GAS6: variants seen among roughly 807,000 people sequenced by gnomAD.
GAS6 encodes the protein growth arrest specific 6.
In GAS6, 41 loss-of-function variants were observed where a neutral mutation model predicts 75.8. The observed-to-expected ratio is 0.54, with a 90% CI of 0.42 to 0.70. The LOEUF (loss-of-function observed/expected upper bound fraction) is 0.70, where lower values mean the gene tolerates loss of function less well. GAS6 is among the 30% of genes least tolerant of loss of function. The pLI is 0.00. For synonymous variants in GAS6, 432 were observed against 412.6 expected, an observed-to-expected ratio of 1.05 and a Z score of -0.57; for missense variants, 854 against 940.2, an observed-to-expected ratio of 0.91 and a Z score of 1.20.
In GAS6 at chr13:113,833,634, GCA is replaced by G. The variant is rs1284580303; in HGVS notation, c.835-884_835-883del. 7.0e-5 allele frequency: 71 copies of G among 1,008,294 alleles called. No individual in the cohort carries two copies. In the East Asian group the frequency reaches 7.1e-3, roughly 100 times the overall value. 62.5% of individuals were successfully genotyped at this position (1,008,294 alleles called of 1,614,324 possible). A position where few individuals can be genotyped will look rare whatever the true frequency, so the allele number is the denominator to read the frequency against. ...CCGGTGTGACAGGTCGGTGTGACAG[GCA>G]CCAGTGTGACAGGCACCAGTGTGAC... On this transcript the variant is annotated intron_variant, in intron 8 of 14. Transcript: ENST00000327773.
At chr13:113,839,932 T>C in intron 4 of GAS6, 82 bp from the exon 5 acceptor site, 1 of 1,601,482 alleles carries the variant, frequency 6.2e-7, no homozygotes, top group Non-Finnish European at 8.5e-7. Flanking sequence ...GGGGCGGCTG[T>C]GGGGTCTCGG....
intron 4 of GAS6, chr13:113,840,572 C>G (rs1259692476): frequency 6.6e-6 from 1 of 152,320 alleles, no homozygotes; most frequent in South Asian, 2.1e-4. Context: ...GAGCTGCTCA[C>G]AAACACGCTT....
rs567059460 is a variant in GAS6, at chr13:113,832,795, A to C, written c.835-43T>G. On this transcript the variant is annotated intron_variant, in intron 8 of 14. Transcript: ENST00000327773. ...CACGCCGGTCGGGGATGTGGCCTTC[A>C]CTCCTGCTCCCCTGAGCCCCACGCC... 13 of 1,610,758 alleles carry C rather than the reference A, an allele frequency of 8.1e-6. No homozygotes were observed. In the African/African-American group the frequency reaches 1.6e-4, roughly 20 times the overall value.
At chr13:113,836,882 AG>A (rs1212170061) in intron 6 of GAS6, among the ~76,000 whole-genome samples, 1 of 14,782 alleles carries the variant, frequency 6.8e-5, no homozygotes, top group Non-Finnish European at 1.2e-4. Context: ...GGAGAGGAGG[AG>A]GGGGAGTGGG....
chr13:113,832,451 C>G lies in GAS6; in HGVS notation c.991G>C (p.Glu331Gln). Residue 331 changes from glutamate to glutamine, a missense_variant, in exon 10 of 15, where the codon GAG (glutamate) becomes CAG (glutamine). Glu to Gln is a conservative substitution (Grantham distance 29). Coordinates refer to ENST00000327773, the MANE Select transcript of GAS6 (RefSeq NM_000820.4). ...AEFDFRTFDP[E>Q]GILLFAGGHQ... ...CCTCCGGCAAAGAGGAGGATGCCCT[C>G]GGGGTCAAAGGTCCGGAAGTCAAAC... The G allele has an allele frequency of 6.2e-7, 1 of 1,607,396 alleles. No individual in the cohort carries two copies. The highest frequency in any genetic ancestry group is 8.5e-7 in the Non-Finnish European group (1 of 1,176,024).
intron 2 of GAS6, among the ~76,000 whole-genome samples, chr13:113,853,418 G>C (rs1162863201): frequency 6.6e-6 from 1 of 152,236 alleles, no homozygotes; most frequent in Non-Finnish European, 1.5e-5. Context: ...AGTGAACGTG[G>C]AGAACCTTCT....
rs1006037296 is a variant in GAS6 at position 113,848,403 on chromosome 13, C to T, written c.256-353G>A. 2.6e-5 allele frequency among the ~76,000 whole-genome samples: 4 copies of T among 152,308 alleles called. No homozygotes were observed. The highest frequency in any genetic ancestry group is 2.1e-4 in the South Asian group (1 of 4,822). On this transcript the variant is annotated intron_variant, in intron 2 of 14. Coordinates refer to ENST00000327773, the MANE Select transcript of GAS6 (RefSeq NM_000820.4). This position sits in a 1 kb window ranked among gnomAD's most constrained non-coding sequence, Gnocchi z 4.8. ...TGTTGACACAAAGGTCTCTCAAAAC[C>T]CCAAAGACCTTTCTTTTGGCACACG...
chr13:113,832,274 G>C (rs1358474355), intron 10 of GAS6, 25 bp downstream of exon 10: 1 of 1,593,182 alleles, frequency 6.3e-7, no homozygotes, highest in African/African-American at 1.3e-5. Flanking sequence ...GTGAGGCCTG[G>C]AAGGGGTGGC....
chr13:113,841,728 ACAGTTTCCTCCATATGCC>A (rs1555306941), intron 4 of GAS6: 9 of 43,174 alleles, frequency 2.1e-4, no homozygotes, highest in African/African-American at 5.6e-4. Flanking sequence ...CATACACCCC[ACAGTTTCCTCCATATGCC>A]CAGTTTCCTC....
rs529551143 is a variant in GAS6, at chr13:113,828,822, G to C, written c.1144-111C>G. 4.8e-6 allele frequency: 6 copies of C among 1,238,274 alleles called. No individual in the cohort carries two copies. The South Asian group carries it at 8.7e-5, about 18-fold the overall frequency. The allele number at this position is 1,238,274 out of a possible 1,614,324, so 76.7% of individuals were successfully genotyped here. ...CTGAGCCAAGAGGGTCCCGACCTCG[G>C]GGAGGCCACCTGATCCTCACCTGGG... On this transcript the variant is annotated intron_variant, in intron 10 of 14. Coordinates refer to ENST00000327773, the MANE Select transcript of GAS6 (RefSeq NM_000820.4).
Position 113,832,448 on chromosome 13 carries a change from C to T in GAS6, c.994G>A (p.Gly332Ser). 6.2e-7 allele frequency: 1 copy of T among 1,607,602 alleles called. No individual in the cohort carries two copies. The highest frequency in any genetic ancestry group is 8.5e-7 in the Non-Finnish European group (1 of 1,176,120). The change falls in exon 10 of 15, where the codon GGC (glycine) becomes AGC (serine). Residue 332 changes from glycine (G) to serine (S), a missense_variant. Transcript: ENST00000327773. ...EFDFRTFDPE[G>S]ILLFAGGHQD... ...TGGCCTCCGGCAAAGAGGAGGATGC[C>T]CTCGGGGTCAAAGGTCCGGAAGTCA... is the stretch of plus-strand genomic sequence containing the variant.
chr13:113,849,967 GAA>G (rs972859242), intron 2 of GAS6, among the ~76,000 whole-genome samples: 1 of 152,126 alleles, frequency 6.6e-6, no homozygotes, highest in Non-Finnish European at 1.5e-5. Flanking sequence ...CTGAGAGAAA[GAA>G]AAAGAGACAT....
At chr13:113,847,935 G>T in intron 3 of GAS6, 91 bp downstream of exon 3, 1 of 1,172,394 alleles carries the variant, frequency 8.5e-7, no homozygotes, top group Non-Finnish European at 1.3e-6. Context: ...CCTTCCAAGA[G>T]TTACGTGGTG....
intron 3 of GAS6, chr13:113,847,616 C>T (rs934199033): frequency 3.5e-5 from 7 of 198,000 alleles, no homozygotes; most frequent in South Asian, 8.5e-5. Flanking sequence ...TCAGTGTTTT[C>T]GGTTTTAATT....
At chr13:113,831,358 G>A (rs921460372) in intron 10 of GAS6, among the ~76,000 whole-genome samples, 48 of 152,226 alleles carry the variant, frequency 3.2e-4, no homozygotes, top group African/African-American at 1.0e-3. Flanking sequence ...CAGCGTCCAC[G>A]CCGTCCTACA....
rs1447305105 is a variant in GAS6 at position 113,821,001 on chromosome 13, C to A, written c.1900G>T (p.Ala634Ser). ...GGLPDVPVTS[A>S]PVTAFYRGCM... ...CCGCGGTAGAACGCGGTGACTGGCG[C>A]TGAAGTCACCGGCACATCTGGGCCG... The change falls in exon 15 of 15, where the codon GCG (alanine) becomes TCG (serine). Residue 634 changes from alanine to serine, a missense_variant. Transcript: ENST00000327773. 1 of 1,612,444 alleles carries A rather than the reference C, an allele frequency of 6.2e-7. No individual in the cohort carries two copies. Among genetic ancestry groups the A allele is most frequent in the African/African-American group, 1.3e-5 (1 of 74,928 alleles).
intron 2 of GAS6, among the ~76,000 whole-genome samples, chr13:113,851,203 A>C (rs554518884): frequency 6.6e-6 from 1 of 151,990 alleles, no homozygotes; most frequent in Non-Finnish European, 1.5e-5. Flanking sequence ...AAATGCGTAG[A>C]TAGATGGGTG....
chr13:113,856,537 C>T (rs1413462344), intron 2 of GAS6, among the ~76,000 whole-genome samples: 2 of 152,022 alleles, frequency 1.3e-5, no homozygotes, highest in Non-Finnish European at 2.9e-5. Flanking sequence ...GACTAACAGA[C>T]GAGCTGAGCG....
At chr13:113,851,498 TAG>T (rs1486266723) in intron 2 of GAS6, among the ~76,000 whole-genome samples, 1 of 150,854 alleles carries the variant, frequency 6.6e-6, no homozygotes, top group Non-Finnish European at 1.5e-5. Flanking sequence ...AATGAATGAA[TAG>T]GTGGGTGGGT....
Sources: allele counts gnomAD v4.1 joint callset (sites outside exome capture counted in the v4.1 genomes callset), GRCh38; gene constraint gnomAD v4.1.1; non-coding constraint Gnocchi (gnomAD v3.1); transcripts MANE v1.5; gene names NCBI Gene and HGNC (gene_info 2026-07-23, HGNC 2026-07-21).